The following CREBBP variants were observed in gnomAD, a reference collection of about 807,000 sequenced individuals.
CREBBP encodes CREB-binding protein.
Under a neutral mutation model 265.0 loss-of-function variants are expected in CREBBP, and 19 were observed. The observed-to-expected ratio is 0.07, with a 90% CI of 0.05 to 0.11. CREBBP has a LOEUF of 0.11. Ranked by LOEUF, CREBBP falls within the 10% of genes least tolerant of loss-of-function variation. The probability of loss-of-function intolerance (pLI) is 1.00; values close to 1 mark genes in which losing one functional copy is unlikely to be tolerated. For missense variants in CREBBP, 2,525 were observed against 3,219.0 expected (o/e 0.78, Z 5.22); for synonymous variants, 1,457 against 1,223.7 (o/e 1.19, Z -3.98).
intron 16 of CREBBP, among the ~76,000 whole-genome samples, chr16:3,762,892 A>G (rs951265559): frequency 1.1e-4 from 16 of 151,856 alleles, no homozygotes; most frequent in African/African-American, 3.9e-4. Context: ...CTCCTGCCTC[A>G]GCCTCCCGAG....
chr16:3,797,491 G>A (rs2053630685), intron 3 of CREBBP, among the ~76,000 whole-genome samples: 1 of 152,006 alleles, frequency 6.6e-6, no homozygotes, highest in South Asian at 2.1e-4. Context: ...ACACACCTAT[G>A]ATAAAGTTTA....
intron 1 of CREBBP, among the ~76,000 whole-genome samples, chr16:3,860,973 G>A (rs2055060842): frequency 6.6e-6 from 1 of 152,040 alleles, no homozygotes; most frequent in Admixed American, 6.6e-5. Flanking sequence ...CCCCTCCTTA[G>A]CTCTAAAATG....
intron 2 of CREBBP, among the ~76,000 whole-genome samples, chr16:3,838,578 T>C (rs1372708247): frequency 4.6e-5 from 7 of 152,162 alleles, no homozygotes; most frequent in African/African-American, 1.7e-4. Context: ...TTAAAAAAGA[T>C]ACATAATTAT....
intron 1 of CREBBP, among the ~76,000 whole-genome samples, chr16:3,852,631 A>G (rs145148126): frequency 1.1e-3 from 162 of 152,322 alleles, no homozygotes; most frequent in African/African-American, 3.7e-3. Flanking sequence ...TATTTGTAGT[A>G]TATGAAAGGG....
chr16:3,830,424 G>GA (rs879602988), intron 2 of CREBBP, among the ~76,000 whole-genome samples: 61 of 146,726 alleles, frequency 4.2e-4, no homozygotes, highest in Admixed American at 2.7e-4. Flanking sequence ...CAAAAAGAGT[G>GA]AAAAAAAAAT....
chr16:3,868,055 T>C (rs1437297693), intron 1 of CREBBP, among the ~76,000 whole-genome samples: 2 of 152,166 alleles, frequency 1.3e-5, no homozygotes, highest in East Asian at 3.8e-4. Context: ...ATGGGCTACT[T>C]AGGGCAAAAA....
chr16:3,799,937 T>G (rs2141306945), intron 3 of CREBBP, among the ~76,000 whole-genome samples: 1 of 152,242 alleles, frequency 6.6e-6, no homozygotes, highest in Admixed American at 6.5e-5. Context: ...AGCATTCCAT[T>G]TTGGGGGGAA....
chr16:3,844,149 A>G lies in CREBBP; in HGVS notation c.798+6148T>C, dbSNP rs551040382. 4.2e-4 allele frequency among the ~76,000 whole-genome samples: 60 copies of G among 142,504 alleles called. No homozygotes were observed. The South Asian group carries it at 5.9e-3, about 14-fold the overall frequency. 93.5% of individuals were successfully genotyped at this position (142,504 alleles called of 152,430 possible). On this transcript the variant is annotated intron_variant, in intron 2 of 30. Transcript: ENST00000262367. ...GGCGACAGAGCGAGACTCCGTCTCA[A>G]AAAAAAAAAAAAAAAAAAAAAAAAG... is the stretch of plus-strand genomic sequence containing the variant.
At chr16:3,749,273 G>A (rs1383217746) in intron 21 of CREBBP, among the ~76,000 whole-genome samples, 2 of 152,170 alleles carry the variant, frequency 1.3e-5, no homozygotes, top group Admixed American at 6.5e-5. Context: ...CCCTTTAAAC[G>A]ATACTACTAG....
intron 19 of CREBBP, among the ~76,000 whole-genome samples, chr16:3,756,475 CAGG>C (rs2052589302): frequency 6.6e-6 from 1 of 152,234 alleles, no homozygotes; most frequent in Non-Finnish European, 1.5e-5. Context: ...TATTTTAAGA[CAGG>C]AGATCTATTC....
chr16:3,869,891 T>TGCCATCATTCAAATGATTCCCTC (rs1404135486), intron 1 of CREBBP, among the ~76,000 whole-genome samples: 1 of 152,244 alleles, frequency 6.6e-6, no homozygotes, highest in African/African-American at 2.4e-5. Context: ...TTGATTCTCT[T>TGCCATCATTCAAATGATTCCCTC]GCCATCATTC....
chr16:3,743,425 A>C (rs2052264987), intron 23 of CREBBP: 1 of 152,252 alleles, frequency 6.6e-6, no homozygotes, highest in African/African-American at 2.4e-5. Context: ...TTGAATTAAG[A>C]CTCAGTCTCA....
chr16:3,852,113 T>C (rs1346705573), intron 1 of CREBBP, among the ~76,000 whole-genome samples: 14 of 140,082 alleles, frequency 1.0e-4, no homozygotes, highest in Non-Finnish European at 1.5e-5. Context: ...GGCATTGACT[T>C]AGATGAACAG....
Position 3,843,877 on chromosome 16 carries a change from G to A in CREBBP, c.798+6420C>T, listed in dbSNP as rs549287530. ...ATATGAAAGACTTTCGGCCGGGCGC[G>A]GTGGCTCACGCCTGTAATCCCAGCA... On this transcript the variant is annotated intron_variant, in intron 2 of 30. Transcript: ENST00000262367. Among the ~76,000 whole-genome samples, 219 of 151,866 alleles carry A rather than the reference G, an allele frequency of 1.4e-3. 1 individual carries two copies. The highest frequency in any genetic ancestry group is 2.3e-3 in the Admixed American group (35 of 15,256).
At chr16:3,755,274 G>T (rs573142444) in intron 19 of CREBBP, among the ~76,000 whole-genome samples, 1 of 152,098 alleles carries the variant, frequency 6.6e-6, no homozygotes, top group Non-Finnish European at 1.5e-5. Context: ...CAATGTAAAA[G>T]ACCAAAATCT....
intron 28 of CREBBP, among the ~76,000 whole-genome samples, chr16:3,732,354 G>C (rs1596794459): frequency 1.3e-5 from 2 of 152,282 alleles, no homozygotes; most frequent in African/African-American, 4.8e-5. Context: ...AGACAGGAAA[G>C]CTGCTGATGG....
chr16:3,857,615 C>T (rs764877246), intron 1 of CREBBP, among the ~76,000 whole-genome samples: 1 of 152,198 alleles, frequency 6.6e-6, no homozygotes, highest in East Asian at 1.9e-4. Context: ...CGATTGACAG[C>T]GATCCAGTCC....
chr16:3,764,154 G>T (rs2052790407), intron 16 of CREBBP, among the ~76,000 whole-genome samples: 1 of 151,510 alleles, frequency 6.6e-6, no homozygotes, highest in Non-Finnish European at 1.5e-5. Context: ...TTTTTTTTGG[G>T]TAGAGATGGG....
At chr16:3,849,420 T>TGTGTG (rs2054743860) in intron 2 of CREBBP, among the ~76,000 whole-genome samples, 1 of 6,784 alleles carries the variant, frequency 1.5e-4, no homozygotes, top group Non-Finnish European at 2.6e-3. Flanking sequence ...TGTGTGTGTG[T>TGTGTG]GTGTGTGTGT....
Sources: gnomAD v4.1 joint callset for allele counts (sites outside exome capture counted in the v4.1 genomes callset) on GRCh38, gnomAD v4.1.1 for gene constraint, MANE v1.5 for transcripts, NCBI Gene and HGNC (gene_info 2026-07-23, HGNC 2026-07-21) for gene names.